Variants in NPAS3 observed in about 807,000 individuals in gnomAD.
NPAS3 encodes neuronal PAS domain protein 3.
In NPAS3, 14 loss-of-function variants were observed where a neutral mutation model predicts 73.1. The ratio of observed to expected loss-of-function variants is 0.19; its 90% confidence interval spans 0.13 to 0.30. The LOEUF (loss-of-function observed/expected upper bound fraction) is 0.30. NPAS3 is among the 10% of genes least tolerant of loss of function. The pLI is 1.00. For missense variants in NPAS3, 1,096 were observed against 1,250.0 expected (o/e 0.88, Z 1.86); for synonymous variants, 620 against 541.5 (o/e 1.14, Z -2.01).
At chr14:33,698,077 G>A (rs17101735) in intron 6 of NPAS3, among the ~76,000 whole-genome samples, 7,111 of 152,168 alleles carry the variant, frequency 0.047, 435 homozygotes, top group East Asian at 0.18. Context: ...TGCCAGAGCT[G>A]GGCAGGCCAC....
intron 5 of NPAS3, among the ~76,000 whole-genome samples, chr14:33,672,190 A>C (rs1362878815): frequency 2.0e-5 from 3 of 152,176 alleles, no homozygotes; most frequent in African/African-American, 7.2e-5. Context: ...AGTTTCTTAA[A>C]ACCTGTCCCT....
At chr14:33,444,338 C>A (rs10141664) in intron 4 of NPAS3, among the ~76,000 whole-genome samples, 44,736 of 152,004 alleles carry the variant, frequency 0.29, 7,480 homozygotes, top group East Asian at 0.56. Flanking sequence ...GAAAACTTGC[C>A]AAACAAGTCA....
chr14:33,242,732 T>C (rs971453513), intron 3 of NPAS3, among the ~76,000 whole-genome samples: 1 of 152,126 alleles, frequency 6.6e-6, no homozygotes, highest in Admixed American at 6.6e-5. Context: ...GAATAGTCAC[T>C]CTCTTTTCTT....
At chr14:32,942,291 C>G (rs1267736420) in intron 1 of NPAS3, among the ~76,000 whole-genome samples, 1 of 152,132 alleles carries the variant, frequency 6.6e-6, no homozygotes, top group African/African-American at 2.4e-5. Flanking sequence ...TGAATTGTCT[C>G]ATTTATTTAT....
chr14:33,734,784 T>C (rs1422593623), intron 6 of NPAS3, among the ~76,000 whole-genome samples: 1 of 152,140 alleles, frequency 6.6e-6, no homozygotes, highest in Non-Finnish European at 1.5e-5. Flanking sequence ...GGCACAAGAA[T>C]GGATTATCGG....
intron 3 of NPAS3, among the ~76,000 whole-genome samples, chr14:33,260,040 A>G (rs914382890): frequency 1.3e-5 from 2 of 152,170 alleles, no homozygotes; most frequent in African/African-American, 4.8e-5. Context: ...AGCCTATTGC[A>G]TGCAGCCGGC....
At chr14:33,229,784 T>C (rs887980693) in intron 3 of NPAS3, among the ~76,000 whole-genome samples, 3 of 152,232 alleles carry the variant, frequency 2.0e-5, no homozygotes, top group Non-Finnish European at 4.4e-5. Context: ...TGTCAACGAC[T>C]CTAATAATTT....
At chr14:33,780,816 C>CCTG in intron 9 of NPAS3, 1 of 276,876 alleles carries the variant, frequency 3.6e-6, no homozygotes. Context: ...TTGTGCTATT[C>CCTG]TCCTAATTTT....
intron 3 of NPAS3, among the ~76,000 whole-genome samples, chr14:33,259,092 C>A (rs1337361258): frequency 1.3e-5 from 2 of 152,186 alleles, no homozygotes; most frequent in Non-Finnish European, 2.9e-5. Flanking sequence ...GGATTACAGG[C>A]GTGAGCCACT....
intron 4 of NPAS3, among the ~76,000 whole-genome samples, chr14:33,444,806 T>C (rs544770414): frequency 1.1e-4 from 16 of 152,374 alleles, no homozygotes; most frequent in African/African-American, 3.8e-4. Flanking sequence ...CTTCTAAAAG[T>C]TGAAACTGCC....
At chr14:32,937,445 T>A (rs10130512), upstream of NPAS3, among the ~76,000 whole-genome samples, 333 of 152,244 alleles carry the variant, frequency 2.2e-3, no homozygotes, top group African/African-American at 7.2e-3. Flanking sequence ...AGACTGGGTG[T>A]CCTGGAGCCA....
intron 5 of NPAS3, among the ~76,000 whole-genome samples, chr14:33,606,071 TTTATTATTA>T (rs139842568): frequency 1.3e-5 from 2 of 150,964 alleles, no homozygotes; most frequent in Non-Finnish European, 3.0e-5. Flanking sequence ...CTGACTTTCT[TTTATTATTA>T]TTATTATTAT....
intron 1 of NPAS3, among the ~76,000 whole-genome samples, chr14:33,029,274 G>A (rs1236534142): frequency 6.6e-6 from 1 of 152,164 alleles, no homozygotes; most frequent in Non-Finnish European, 1.5e-5. Flanking sequence ...TTTAAGTGGG[G>A]AAGAGGATAG....
chr14:32,968,807 G>T (rs1485873125), intron 1 of NPAS3, among the ~76,000 whole-genome samples: 1 of 151,468 alleles, frequency 6.6e-6, no homozygotes, highest in Non-Finnish European at 1.5e-5. Context: ...GAGCTCTGGG[G>T]TACCTGTGCA....
chr14:33,421,600 C>T (rs138054727), intron 4 of NPAS3, among the ~76,000 whole-genome samples: 4 of 151,312 alleles, frequency 2.6e-5, no homozygotes, highest in African/African-American at 9.7e-5. Context: ...TTCAGAAATT[C>T]AGATATGTTT....
chr14:33,438,726 G>A (rs1277640125), intron 4 of NPAS3, among the ~76,000 whole-genome samples: 6 of 152,044 alleles, frequency 3.9e-5, no homozygotes, highest in Non-Finnish European at 8.8e-5. Flanking sequence ...TAAATACATG[G>A]TATACTCTTT....
At chr14:33,795,985 C>A (rs574930809) in intron 10 of NPAS3, among the ~76,000 whole-genome samples, 26 of 152,224 alleles carry the variant, frequency 1.7e-4, no homozygotes, top group African/African-American at 5.8e-4. Flanking sequence ...AATTGTAGGG[C>A]AAGTGATCTG....
chr14:33,712,728 A>G (rs1423136950), intron 6 of NPAS3, among the ~76,000 whole-genome samples: 1 of 152,210 alleles, frequency 6.6e-6, no homozygotes, highest in East Asian at 1.9e-4. Context: ...ACCAGGCTGC[A>G]GAATGTCTCT....
intron 2 of NPAS3, among the ~76,000 whole-genome samples, chr14:33,142,470 G>A (rs1260306896): frequency 6.6e-6 from 1 of 151,710 alleles, no homozygotes; most frequent in East Asian, 1.9e-4. Flanking sequence ...TAGGATCCAG[G>A]CCATTTTTTT....
Sources: allele counts gnomAD v4.1 joint callset (sites outside exome capture counted in the v4.1 genomes callset), GRCh38; gene constraint gnomAD v4.1.1; transcripts MANE v1.5; gene names NCBI Gene and HGNC (gene_info 2026-07-23, HGNC 2026-07-21).